The following PRKN variants were observed in gnomAD, a reference collection of about 807,000 sequenced individuals.
PRKN encodes E3 ubiquitin-protein ligase parkin.
A neutral mutation model predicts 59.5 loss-of-function variants in PRKN; 56 were observed. The observed-to-expected ratio is 0.94, with a 90% CI of 0.76 to 1.18. PRKN has a LOEUF of 1.18. PRKN is among the 50% of genes most tolerant of loss of function. The pLI is 0.00. For synonymous variants in PRKN, 250 were observed against 222.1 expected (o/e 1.13, Z -1.12); for missense variants, 657 against 596.4 (o/e 1.10, Z -1.06).
chr6:162,520,740 T>C (rs1012795199), intron 1 of PRKN, among the ~76,000 whole-genome samples: 1 of 152,130 alleles, frequency 6.6e-6, no homozygotes, highest in Non-Finnish European at 1.5e-5. Flanking sequence ...AAGTAATTAC[T>C]TACTTGGTTT....
In PRKN at chr6:161,600,681, CA is replaced by C. The variant is rs989190999; in HGVS notation, c.872-31266del. Among the ~76,000 whole-genome samples the C allele has an allele frequency of 6.4e-4, 97 of 152,226 alleles. 1 individual carries two copies. Among genetic ancestry groups the C allele is most frequent in the African/African-American group, 2.3e-3 (97 of 41,532 alleles). The stretch of plus-strand genomic sequence containing the variant: ...CCTCAGTTAAACTTTTTACCTAAGA[CA>C]AGGCATATTATGGGGATATATGTGT... On this transcript the variant is annotated intron_variant, in intron 7 of 11. Transcript: ENST00000366898.
intron 4 of PRKN, among the ~76,000 whole-genome samples, chr6:162,176,001 C>A (rs1054034650): frequency 6.6e-6 from 1 of 152,154 alleles, no homozygotes; most frequent in African/African-American, 2.4e-5. Flanking sequence ...ATTATGGATT[C>A]TTTTATAATT....
rs1225445059 is a variant in PRKN at position 161,396,922 on chromosome 6, GCTC to G, written c.1084-10048_1084-10046del. 6.6e-6 allele frequency among the ~76,000 whole-genome samples: 1 copy of G among 152,168 alleles called. No homozygotes were observed. The highest frequency in any genetic ancestry group is 1.9e-4 in the East Asian group (1 of 5,192). On this transcript the variant is annotated intron_variant, in intron 9 of 11. Coordinates refer to ENST00000366898, the MANE Select transcript of PRKN (RefSeq NM_004562.3). The surrounding 1 kb of genome is among the most constrained non-coding windows in gnomAD (Gnocchi z 5.4). Reference sequence around the variant, plus strand: ...GACTTTTGTCTTTGGAGGTTTTGCAGCTCCTCAATGATCAATCAATCAATCAGT... The same window carrying G: ...GACTTTTGTCTTTGGAGGTTTTGCAGCTCAATGATCAATCAATCAATCAGT...
At chr6:162,114,295 T>C (rs1780572165) in intron 4 of PRKN, among the ~76,000 whole-genome samples, 2 of 151,886 alleles carry the variant, frequency 1.3e-5, no homozygotes, top group African/African-American at 2.4e-5. Flanking sequence ...AATCTGTAAA[T>C]TACCTTGGGC....
intron 6 of PRKN, among the ~76,000 whole-genome samples, chr6:161,927,283 G>A (rs928752877): frequency 6.6e-6 from 1 of 152,116 alleles, no homozygotes. Context: ...GAAGAACTAC[G>A]AAGGAGCTTA....
chr6:162,257,384 A>G (rs1241245661), intron 3 of PRKN, among the ~76,000 whole-genome samples: 2 of 152,188 alleles, frequency 1.3e-5, no homozygotes, highest in Non-Finnish European at 2.9e-5. Context: ...ACTTGGCTGA[A>G]ATCAATTAAC....
chr6:161,952,227 A>C (rs1352159396), intron 6 of PRKN, among the ~76,000 whole-genome samples: 1 of 152,214 alleles, frequency 6.6e-6, no homozygotes, highest in Non-Finnish European at 1.5e-5. Context: ...TTAATTTGTC[A>C]TGAAAGATGA....
At chr6:162,158,416 GTT>G (rs869040301) in intron 4 of PRKN, among the ~76,000 whole-genome samples, 1 of 2,754 alleles carries the variant, frequency 3.6e-4, no homozygotes, top group African/African-American at 5.3e-4. Context: ...GTTTGTTTGC[GTT>G]TTTTTTTTTT....
intron 1 of PRKN, 113 bp downstream of exon 1, chr6:162,727,549 G>A: frequency 8.4e-7 from 1 of 1,194,472 alleles, no homozygotes; most frequent in Non-Finnish European, 1.2e-6. Flanking sequence ...GGGCACTTTG[G>A]CCCCGTCATT....
intron 6 of PRKN, among the ~76,000 whole-genome samples, chr6:161,908,263 G>A (rs1020343889): frequency 8.5e-5 from 13 of 152,162 alleles, no homozygotes; most frequent in African/African-American, 3.1e-4. Flanking sequence ...CCGGTACATG[G>A]ACGATACCTA....
chr6:161,840,620 GC>G (rs1157623318), intron 6 of PRKN, among the ~76,000 whole-genome samples: 1 of 152,024 alleles, frequency 6.6e-6, no homozygotes, highest in East Asian at 1.9e-4. Context: ...CTTCTGCCAG[GC>G]CCCAGTGCCT....
At chr6:161,495,581 G>A (rs1777719306) in intron 9 of PRKN, among the ~76,000 whole-genome samples, 1 of 152,164 alleles carries the variant, frequency 6.6e-6, no homozygotes, top group Non-Finnish European at 1.5e-5. Context: ...TTCTCTCTTT[G>A]TGCAAGCTGG....
intron 1 of PRKN, among the ~76,000 whole-genome samples, chr6:162,579,635 TCACA>T (rs370905211): frequency 6.6e-6 from 1 of 150,880 alleles, no homozygotes; most frequent in Admixed American, 6.6e-5. Context: ...ACACACAAAT[TCACA>T]CAGATTTACA....
At chr6:162,311,273 C>G (rs1001575815) in intron 2 of PRKN, among the ~76,000 whole-genome samples, 3 of 152,072 alleles carry the variant, frequency 2.0e-5, no homozygotes, top group Non-Finnish European at 4.4e-5. Context: ...GTGAAAGATG[C>G]TTCCTGGGAG....
chr6:162,338,468 G>A (rs924883757), intron 2 of PRKN, among the ~76,000 whole-genome samples: 9 of 152,160 alleles, frequency 5.9e-5, no homozygotes, highest in East Asian at 1.9e-4. Flanking sequence ...TGGCCGGGCC[G>A]GTCTCCAGCC....
intron 1 of PRKN, among the ~76,000 whole-genome samples, chr6:162,604,549 T>C (rs1186145660): frequency 6.6e-6 from 1 of 152,128 alleles, no homozygotes. Flanking sequence ...TTAGAGCATA[T>C]TTCTAGAAAT....
Position 161,904,497 on chromosome 6 carries a change from A to G in PRKN, c.734+68805T>C, listed in dbSNP as rs545360246. On this transcript the variant is annotated intron_variant, in intron 6 of 11. Coordinates refer to ENST00000366898, the MANE Select transcript of PRKN (RefSeq NM_004562.3). ...CGCCCAGCTAATTTTTTGTATTTTT[A>G]GTAGAGACGGGGTTTCACTGTGTCA... Among the ~76,000 whole-genome samples the G allele has an allele frequency of 2.9e-3, 448 of 151,884 alleles. 3 individuals are homozygous for G. Among genetic ancestry groups the G allele is most frequent in the Non-Finnish European group, 4.0e-3 (270 of 67,952 alleles).
intron 2 of PRKN, among the ~76,000 whole-genome samples, chr6:162,301,791 G>T (rs927380113): frequency 1.1e-4 from 12 of 111,496 alleles, no homozygotes; most frequent in African/African-American, 2.8e-4. Flanking sequence ...GGCGGGGGGG[G>T]GGTGCAGAAT....
chr6:161,725,746 T>G (rs1277109638), intron 7 of PRKN, among the ~76,000 whole-genome samples: 4 of 152,272 alleles, frequency 2.6e-5, no homozygotes, highest in Non-Finnish European at 4.4e-5. Context: ...ATCCACAAAA[T>G]AAAGAAAATT....
Sources: gnomAD v4.1 joint callset for allele counts (sites outside exome capture counted in the v4.1 genomes callset) on GRCh38, gnomAD v4.1.1 for gene constraint, Gnocchi (gnomAD v3.1) non-coding constraint, MANE v1.5 for transcripts, NCBI Gene and HGNC (gene_info 2026-07-23, HGNC 2026-07-21) for gene names.